The following APOO variants were observed in gnomAD, a reference collection of about 807,000 sequenced individuals.
APOO encodes the protein apolipoprotein O.
In APOO, 11 loss-of-function variants were observed where a neutral mutation model predicts 23.1. The ratio of observed to expected loss-of-function variants is 0.48; its 90% CI spans 0.30 to 0.79. The LOEUF (loss-of-function observed/expected upper bound fraction) is 0.79, where lower values mean the gene tolerates loss of function less well. Among genes scored for constraint, APOO ranks in the 30% least tolerant of loss-of-function variants. The pLI, the probability that APOO is intolerant of heterozygous loss-of-function variation, is 0.07. For synonymous variants in APOO, 59 were observed against 54.8 expected, an observed-to-expected ratio of 1.08 and a Z score of -0.34; for missense variants, 160 against 142.7, an observed-to-expected ratio of 1.12 and a Z score of -0.62.
intron 1 of APOO, among the ~76,000 whole-genome samples, chrX:23,886,654 GCACTCAACAT>G (rs1926378777): frequency 9.0e-6 from 1 of 111,042 alleles, no homozygotes; most frequent in Non-Finnish European, 1.9e-5. Flanking sequence ...TGAAGCTGAT[GCACTCAACAT>G]CTTGGCTGAT....
Position 23,907,087 on chromosome X carries a change from C to A in APOO, c.9+607G>T, listed in dbSNP as rs187556742. Among the ~76,000 whole-genome samples the A allele has an allele frequency of 6.9e-4, 77 of 111,929 alleles. 1 individual carries two copies. In the East Asian group the frequency reaches 0.018, roughly 27 times the overall value. On this transcript the variant is annotated intron_variant, in intron 1 of 8. Transcript: ENST00000379226. ...GGCTTTATGCTAAAGTGCAGATTTTCGAAATTAAGTCTTCATCGTAAAAGT... is the reference window on the plus strand; with the variant it reads ...GGCTTTATGCTAAAGTGCAGATTTTAGAAATTAAGTCTTCATCGTAAAAGT...
intron 5 of APOO, among the ~76,000 whole-genome samples, chrX:23,864,451 C>T (rs1193046231): frequency 9.0e-6 from 1 of 110,508 alleles, no homozygotes; most frequent in Non-Finnish European, 1.9e-5. Flanking sequence ...TACAGGCACC[C>T]GCCACCACGC....
intron 1 of APOO, among the ~76,000 whole-genome samples, chrX:23,901,660 C>G (rs889399137): frequency 2.5e-4 from 28 of 112,216 alleles, no homozygotes; most frequent in African/African-American, 8.4e-4. Flanking sequence ...CACCGTAACA[C>G]AGGTAGTTAC....
At position 23,838,268 on chromosome X, in the gene APOO, T is replaced by A. The variant is rs764267135; in HGVS notation, c.*29+2045A>T. Among the ~76,000 whole-genome samples the A allele has an allele frequency of 4.5e-5, 4 of 88,901 alleles. No individual in the cohort carries two copies. The East Asian group carries it at 1.6e-3, about 36-fold the overall frequency. The allele number at this position is 88,901 out of a possible 115,157, so 77.2% of individuals were successfully genotyped here. On this transcript the variant is annotated intron_variant, in intron 8 of 8. Transcript: ENST00000379226. ...TACTTGGGAGGCTGAGGCAGGAGAA[T>A]GACTTGAACCCGGGAGGCCTCAGAG...
intron 7 of APOO, among the ~76,000 whole-genome samples, chrX:23,853,608 G>GT (rs367944878): frequency 7.4e-4 from 75 of 101,750 alleles, no homozygotes; most frequent in East Asian, 1.5e-3. Flanking sequence ...GAGCCCGACC[G>GT]TTTTTTTTTT....
chrX:23,851,465 T>G (rs1924534135), intron 7 of APOO, among the ~76,000 whole-genome samples: 1 of 112,101 alleles, frequency 8.9e-6, no homozygotes, highest in South Asian at 3.6e-4. Context: ...AGTGCTGGGA[T>G]TACAGGCGTG....
At chrX:23,858,881 A>G in intron 5 of APOO, 148 bp from the exon 6 acceptor site, 1 of 444,687 alleles carries the variant, frequency 2.2e-6, no homozygotes, top group Non-Finnish European at 3.7e-6. Flanking sequence ...CGGGAGGATC[A>G]CTTGAGGCCA....
chrX:23,865,836 C>A (rs889259991), intron 5 of APOO, among the ~76,000 whole-genome samples: 1 of 111,130 alleles, frequency 9.0e-6, no homozygotes, highest in Non-Finnish European at 1.9e-5. Context: ...TGTGTGTGTG[C>A]GTGCCTGTGT....
Position 23,895,875 on chromosome X carries a change from T to G in APOO, c.9+11819A>C, listed in dbSNP as rs2707157. On this transcript the variant is annotated intron_variant, in intron 1 of 8. Coordinates refer to ENST00000379226, the MANE Select transcript of APOO (RefSeq NM_024122.5). Reference sequence around the variant, plus strand: ...GAAGAAAAGAAAATGGCATTTTTTTTAAAAAAAAAAAAGAGGAAGGGGACT... The same window carrying G: ...GAAGAAAAGAAAATGGCATTTTTTTGAAAAAAAAAAAAGAGGAAGGGGACT... 6.7e-5 allele frequency among the ~76,000 whole-genome samples: 7 copies of G among 103,838 alleles called. No individual in the cohort carries two copies. The Admixed American group carries it at 7.4e-4, about 11-fold the overall frequency. 90.2% of individuals were successfully genotyped at this position (103,838 alleles called of 115,157 possible).
At chrX:23,885,563 T>C (rs1184560664) in intron 1 of APOO, among the ~76,000 whole-genome samples, 2 of 109,186 alleles carry the variant, frequency 1.8e-5, no homozygotes, top group East Asian at 5.8e-4. Context: ...ACTCAGCCTA[T>C]CTTTGATTTT....
chrX:23,906,976 G>T (rs1927386001), intron 1 of APOO, among the ~76,000 whole-genome samples: 1 of 112,585 alleles, frequency 8.9e-6, no homozygotes, highest in Admixed American at 9.4e-5. Context: ...GCTTCTTGAA[G>T]ACTCAATTTT....
At chrX:23,863,588 G>C (rs1258484319) in intron 5 of APOO, among the ~76,000 whole-genome samples, 1 of 111,727 alleles carries the variant, frequency 9.0e-6, no homozygotes, top group African/African-American at 3.2e-5. Context: ...AGGGCAGAAA[G>C]TGATTTTCAG....
chrX:23,907,852 G>T lies in APOO; in HGVS notation c.-150C>A, dbSNP rs1927445248. The T allele has an allele frequency of 1.6e-6, 1 of 613,260 alleles. No homozygotes were observed. The highest frequency in any genetic ancestry group is 4.3e-5 in the East Asian group (1 of 23,281). 50.5% of individuals were successfully genotyped at this position (613,260 alleles called of 1,213,427 possible). A position where few individuals can be genotyped will look rare whatever the true frequency, so the allele number is the denominator to read the frequency against. ...GACGGCCGTACTGCAAACTCGGTGCGGCGAAGGTTTAGTTCAATCACCCGG... is the reference window on the plus strand; with the variant it reads ...GACGGCCGTACTGCAAACTCGGTGCTGCGAAGGTTTAGTTCAATCACCCGG... On this transcript the variant is annotated 5_prime_UTR_variant, in exon 1 of 9. Transcript: ENST00000379226.
In APOO at chrX:23,861,991, A is replaced by G. The variant is rs770461535; in HGVS notation, c.389-3258T>C. On this transcript the variant is annotated intron_variant, in intron 5 of 8. Coordinates refer to ENST00000379226, the MANE Select transcript of APOO (RefSeq NM_024122.5). ...GCTATTTTTTGTATTTTTAGTAGAG[A>G]TGGGGTTTTCCCATGTTGGCCAGGC... Among the ~76,000 whole-genome samples, 24 of 109,301 alleles carry G rather than the reference A, an allele frequency of 2.2e-4. No individual in the cohort carries two copies. In the East Asian group the frequency reaches 6.3e-3, roughly 29 times the overall value. 94.9% of individuals were successfully genotyped at this position (109,301 alleles called of 115,157 possible). A position where few individuals can be genotyped will look rare whatever the true frequency, so the allele number is the denominator to read the frequency against.
chrX:23,840,252 C>T, intron 8 of APOO, 61 bp downstream of exon 8: 1 of 641,331 alleles, frequency 1.6e-6, no homozygotes, highest in Non-Finnish European at 2.3e-6. Flanking sequence ...TAATTAAAAA[C>T]AAGTCATTTC....
At chrX:23,894,685 A>C (rs1030359109) in intron 1 of APOO, among the ~76,000 whole-genome samples, 4 of 109,537 alleles carry the variant, frequency 3.7e-5, no homozygotes, top group African/African-American at 1.3e-4. Flanking sequence ...AATCCCAGCT[A>C]CTCAGGAAGC....
intron 7 of APOO, among the ~76,000 whole-genome samples, chrX:23,845,891 T>C (rs1924203697): frequency 8.9e-6 from 1 of 112,152 alleles, no homozygotes; most frequent in Admixed American, 9.6e-5. Context: ...AAATAATTAG[T>C]GTTGGCCTTC....
In APOO at chrX:23,897,366, G is replaced by C. The variant is rs185784274; in HGVS notation, c.9+10328C>G. Reference sequence around the variant, plus strand: ...AAAGAGTGAGATAATTGTTCATTTAGGCAGGTTTTGAGTCATCCAGTTGGG... The same window carrying C: ...AAAGAGTGAGATAATTGTTCATTTACGCAGGTTTTGAGTCATCCAGTTGGG... On this transcript the variant is annotated intron_variant, in intron 1 of 8. Coordinates refer to ENST00000379226, the MANE Select transcript of APOO (RefSeq NM_024122.5). Among the ~76,000 whole-genome samples, 667 of 112,174 alleles carry C rather than the reference G, an allele frequency of 5.9e-3. 2 individuals are homozygous for C. The highest frequency in any genetic ancestry group is 0.011 in the Non-Finnish European group (572 of 53,247).
intron 5 of APOO, among the ~76,000 whole-genome samples, chrX:23,859,263 G>A (rs1206864580): frequency 9.0e-6 from 1 of 111,592 alleles, no homozygotes; most frequent in African/African-American, 3.3e-5. Flanking sequence ...TTAAAGTACA[G>A]TTCAATGGCT....
Sources: allele counts gnomAD v4.1 joint callset (sites outside exome capture counted in the v4.1 genomes callset), GRCh38; gene constraint gnomAD v4.1.1; transcripts MANE v1.5; gene names NCBI Gene and HGNC (gene_info 2026-07-23, HGNC 2026-07-21).